Variants in STAB1 observed in about 807,000 individuals in gnomAD.
The protein encoded by STAB1 is stabilin 1.
A neutral mutation model predicts 332.4 loss-of-function variants in STAB1; 250 were observed. The ratio of observed to expected loss-of-function variants is 0.75; its 90% confidence interval spans 0.68 to 0.84. STAB1 has a LOEUF of 0.84. STAB1 is among the 40% of genes least tolerant of loss of function. The pLI, the probability that STAB1 is intolerant of heterozygous loss-of-function variation, is 0.00. For missense variants in STAB1, 3,249 were observed against 3,489.7 expected (o/e 0.93, Z 1.74); for synonymous variants, 1,475 against 1,390.4 (o/e 1.06, Z -1.35).
At chr3:52,519,772 T>C (rs2079011765) in intron 50 of STAB1, 172 bp from the exon 51 acceptor site, 2 of 1,134,486 alleles carry the variant, frequency 1.8e-6, no homozygotes, top group African/African-American at 3.1e-5. Context: ...CCCACATTCC[T>C]GACAGCAGTG....
chr3:52,509,180 G>T lies in STAB1; in HGVS notation c.2236-30G>T. The T allele has an allele frequency of 1.9e-6, 3 of 1,604,672 alleles. No homozygotes were observed. In the South Asian group the frequency reaches 3.3e-5, roughly 18 times the overall value. The stretch of plus-strand genomic sequence containing the variant: ...GGGATGTAGAGAGTCCCTTTCCCAT[G>T]ACTGATCCTGCCTTCTGCTCACTCT... On this transcript the variant is annotated intron_variant, in intron 21 of 68. Transcript: ENST00000321725.
intron 1 of STAB1, among the ~76,000 whole-genome samples, chr3:52,496,822 G>A (rs186942836): frequency 1.3e-5 from 2 of 152,262 alleles, no homozygotes. Flanking sequence ...CTTGTGGATG[G>A]GGCTGCAGCA....
intron 11 of STAB1, 77 bp downstream of exon 11, chr3:52,504,626 A>G (rs1708709582): frequency 1.2e-6 from 2 of 1,611,266 alleles, no homozygotes; most frequent in Middle Eastern, 1.6e-4. Context: ...CTTCAGGGCC[A>G]CCTGGAAGGC....
chr3:52,520,700 T>C lies in STAB1; in HGVS notation c.5706+2T>C, dbSNP rs1445197830. The C allele has an allele frequency of 6.4e-7, 1 of 1,556,352 alleles. No homozygotes were observed. Among genetic ancestry groups the C allele is most frequent in the Non-Finnish European group, 8.7e-7 (1 of 1,153,914 alleles). The stretch of plus-strand genomic sequence containing the variant: ...TGTCCTGAGGGGTCACAGGAGCAGG[T>C]ACAGGGCTAGGGGCTGAGTGGGGGT... On this transcript the variant is annotated splice_donor_variant, in intron 54 of 68. Coordinates refer to ENST00000321725, the MANE Select transcript of STAB1 (RefSeq NM_015136.3). LOFTEE classifies it high-confidence loss of function.
At chr3:52,497,557 C>T (rs1442626672) in intron 1 of STAB1, among the ~76,000 whole-genome samples, 4 of 151,984 alleles carry the variant, frequency 2.6e-5, no homozygotes, top group East Asian at 1.9e-4. Context: ...GGACTACAGG[C>T]GCACACCACC....
intron 3 of STAB1, 113 bp downstream of exon 3, chr3:52,501,866 T>C (rs1708471711): frequency 1.5e-6 from 2 of 1,359,924 alleles, no homozygotes; most frequent in Admixed American, 2.0e-5. Context: ...TAATTAATAC[T>C]CACCGAGCGC....
rs757860721 is a variant in STAB1, at chr3:52,503,804, C to T, written c.924C>T (p.Ser308=). 7 of 1,613,222 alleles carry T rather than the reference C, an allele frequency of 4.3e-6. No homozygotes were observed. Among genetic ancestry groups the T allele is most frequent in the Middle Eastern group, 1.6e-4 (1 of 6,062 alleles). Residue 308 remains serine, a synonymous_variant, in exon 9 of 69, where the codon AGC becomes AGT. Transcript: ENST00000321725. The stretch of plus-strand genomic sequence containing the variant: ...GCACCTGCCGGCCAGGCCTGGTCAG[C>T]ATCAACAGCAACGCTTCTGCGGGCT... ...AFCTCRPGLV[S]INSNASAGCF...
chr3:52,518,552 A>G lies in STAB1; in HGVS notation c.4826A>G (p.Lys1609Arg). The G allele has an allele frequency of 6.3e-7, 1 of 1,592,890 alleles. No homozygotes were observed. Among genetic ancestry groups the G allele is most frequent in the Non-Finnish European group, 8.6e-7 (1 of 1,169,502 alleles). Residue 1609 changes from lysine (K) to arginine (R), a missense_variant, in exon 47 of 69, where the codon AAG (lysine) becomes AGG (arginine). Lys to Arg is a conservative substitution (Grantham distance 26). Transcript: ENST00000321725. ...SLRLLEYKEL[K>R]GDGPFTIFVP... ...CTCCCGCAGGAATATAAGGAGCTCA[A>G]GGGCGATGGGCCTTTCACCATCTTC...
intron 1 of STAB1, among the ~76,000 whole-genome samples, chr3:52,495,947 C>T (rs1578332722): frequency 6.6e-6 from 1 of 152,202 alleles, no homozygotes; most frequent in South Asian, 2.1e-4. Context: ...ATGAGTCACT[C>T]ACCCTTAGTG....
At position 52,523,215 on chromosome 3, in the gene STAB1, G is replaced by T. The variant is rs1259652870; in HGVS notation, c.7021-7G>T. 2 of 1,612,906 alleles carry T rather than the reference G, an allele frequency of 1.2e-6. No individual in the cohort carries two copies. The highest frequency in any genetic ancestry group is 1.7e-6 in the Non-Finnish European group (2 of 1,179,988). On this transcript the variant is annotated splice_region_variant and splice_polypyrimidine_tract_variant and intron_variant, in intron 63 of 68. Transcript: ENST00000321725. ...CTGCTCATAGTTCTGTCTTTCCACC[G>T]TGCCAGATGCTATTGGGCTATGCCA...
intron 55 of STAB1, 67 bp downstream of exon 55, chr3:52,521,072 C>T (rs979275304): frequency 3.2e-5 from 46 of 1,456,776 alleles, no homozygotes; most frequent in Non-Finnish European, 3.7e-5. Flanking sequence ...CAGCTCTGGC[C>T]ATTGTCCTTG....
intron 55 of STAB1, 63 bp from the exon 56 acceptor site, chr3:52,521,298 A>C: frequency 6.2e-7 from 1 of 1,601,486 alleles, no homozygotes; most frequent in Non-Finnish European, 8.5e-7. Flanking sequence ...GGCTGGAGGT[A>C]CGTATATGGG....
intron 8 of STAB1, 67 bp from the exon 9 acceptor site, chr3:52,503,705 G>T: frequency 6.2e-7 from 1 of 1,603,130 alleles, no homozygotes; most frequent in Non-Finnish European, 8.5e-7. Context: ...GGCTCTATGG[G>T]TAGGGCAGAC....
Position 52,518,562 on chromosome 3 carries a change from G to C in STAB1, c.4836G>C (p.Gly1612=). 6.3e-7 allele frequency: 1 copy of C among 1,597,216 alleles called. No individual in the cohort carries two copies. Among genetic ancestry groups the C allele is most frequent in the Non-Finnish European group, 8.5e-7 (1 of 1,171,956 alleles). The change falls in exon 47 of 69, where the codon GGG becomes GGC. Residue 1612 remains glycine, a synonymous_variant. Coordinates refer to ENST00000321725, the MANE Select transcript of STAB1 (RefSeq NM_015136.3). ...LLEYKELKGD[G]PFTIFVPHAD... Reference sequence around the variant, plus strand: ...AATATAAGGAGCTCAAGGGCGATGGGCCTTTCACCATCTTCGTGCCGCACG... The same window carrying C: ...AATATAAGGAGCTCAAGGGCGATGGCCCTTTCACCATCTTCGTGCCGCACG...
In STAB1 at chr3:52,514,815, G is replaced by A. The variant is rs1181556012; in HGVS notation, c.3793G>A (p.Ala1265Thr). Reference protein sequence around the residue: ...VGSSRCLHSHAEALREKCVNC... With the variant: ...VGSSRCLHSHTEALREKCVNC... ...CTCAAGTCGCTGCCTGCATAGCCAC[G>A]CTGAGGCCCTGCGGGTGAGAGGCTG... The change falls in exon 35 of 69, where the codon GCT becomes ACT. Residue 1265 changes from alanine to threonine, a missense_variant. By Grantham distance (58) the Ala-to-Thr change is moderately conservative. Transcript: ENST00000321725. The A allele has an allele frequency of 3.1e-6, 5 of 1,612,848 alleles. No homozygotes were observed. The highest frequency in any genetic ancestry group is 1.1e-5 in the South Asian group (1 of 91,072).
chr3:52,506,965 A>T, intron 18 of STAB1, 115 bp downstream of exon 18: 4 of 1,445,974 alleles, frequency 2.8e-6, no homozygotes, highest in Non-Finnish European at 2.8e-6. Context: ...GCCGGCTCTG[A>T]GGCCCTGCTG....
intron 44 of STAB1, 68 bp downstream of exon 44, chr3:52,517,692 T>C (rs1408119560): frequency 1.3e-6 from 2 of 1,584,844 alleles, no homozygotes; most frequent in African/African-American, 2.7e-5. Flanking sequence ...GAACCAGCCC[T>C]TCTCACCTCC....
intron 1 of STAB1, among the ~76,000 whole-genome samples, chr3:52,497,136 G>T (rs1262108245): frequency 3.3e-5 from 5 of 152,058 alleles, no homozygotes; most frequent in African/African-American, 1.2e-4. Flanking sequence ...CGAGAACTGG[G>T]ATTACAGGCG....
intron 14 of STAB1, 142 bp from the exon 15 acceptor site, chr3:52,505,526 C>A: frequency 8.4e-7 from 1 of 1,192,384 alleles, no homozygotes; most frequent in Non-Finnish European, 1.2e-6. Flanking sequence ...GCCTGAGGTT[C>A]TGTGGTAGCA....
Sources: gnomAD v4.1 joint callset for allele counts (sites outside exome capture counted in the v4.1 genomes callset) on GRCh38, gnomAD v4.1.1 for gene constraint, MANE v1.5 for transcripts, NCBI Gene and HGNC (gene_info 2026-07-23, HGNC 2026-07-21) for gene names.